The following ATAD3C variants were observed in gnomAD, a reference collection of about 807,000 sequenced individuals.
ATAD3C encodes ATPase family AAA domain-containing protein 3C.
A neutral mutation model predicts 46.3 loss-of-function variants in ATAD3C; 38 were observed. The ratio of observed to expected loss-of-function variants is 0.82; its 90% CI spans 0.63 to 1.08. ATAD3C has a LOEUF of 1.08. ATAD3C is among the 50% of genes least tolerant of loss of function. The pLI is 0.00. For missense variants in ATAD3C, 563 were observed against 572.7 expected (o/e 0.98, Z 0.17); for synonymous variants, 220 against 236.4 (o/e 0.93, Z 0.63).
chr1:1,460,988 G>A lies in ATAD3C; in HGVS notation c.980+71G>A, dbSNP rs1639052579. 1.3e-5 allele frequency: 20 copies of A among 1,491,608 alleles called. 1 individual carries two copies. Among genetic ancestry groups the A allele is most frequent in the Middle Eastern group, 2.2e-4 (1 of 4,624 alleles). 92.4% of individuals were successfully genotyped at this position (1,491,608 alleles called of 1,614,324 possible). A position where few individuals can be genotyped will look rare whatever the true frequency, so the allele number is the denominator to read the frequency against. On this transcript the variant is annotated intron_variant, in intron 10 of 11. Coordinates refer to ENST00000378785, the MANE Select transcript of ATAD3C (RefSeq NM_001039211.3). Reference sequence around the variant, plus strand: ...GGGTCCACCCCTGCTCCTGTTCTCCGGACACACCCAGCAGGCCCTGTCTCC... The same window carrying A: ...GGGTCCACCCCTGCTCCTGTTCTCCAGACACACCCAGCAGGCCCTGTCTCC...
intron 8 of ATAD3C, among the ~76,000 whole-genome samples, chr1:1,457,595 C>CAAAAAAAAAAAAAAAAAAAA (rs777757826): frequency 5.5e-5 from 2 of 36,466 alleles, no homozygotes; most frequent in African/African-American, 2.7e-4. Context: ...GACTTCATCT[C>CAAAAAAAAAAAAAAAAAAAA]AAAAAAAAAA....
chr1:1,450,879 A>G, intron 1 of ATAD3C, 121 bp downstream of exon 1: 1 of 1,462,668 alleles, frequency 6.8e-7, no homozygotes, highest in Non-Finnish European at 9.3e-7. Context: ...AGTGGGGCCC[A>G]GGGCCAAGCT....
chr1:1,457,744 T>C (rs993895614), intron 8 of ATAD3C, among the ~76,000 whole-genome samples: 6 of 151,736 alleles, frequency 4.0e-5, no homozygotes, highest in African/African-American at 1.2e-4. Context: ...AGTGGCGTGA[T>C]CTCGGCTCAC....
At position 1,452,135 on chromosome 1, in the gene ATAD3C, G is replaced by C; in HGVS notation, c.152+13G>C. 6.2e-7 allele frequency: 1 copy of C among 1,612,756 alleles called. No homozygotes were observed. Among genetic ancestry groups the C allele is most frequent in the East Asian group, 2.2e-5 (1 of 44,858 alleles). On this transcript the variant is annotated intron_variant, in intron 2 of 11. Transcript: ENST00000378785. ...TGGAGTCCATCAGGTGAGCGCTGCCGAGGCCCGGGCCGGCCGCAGATGGAG... is the reference window on the plus strand; with the variant it reads ...TGGAGTCCATCAGGTGAGCGCTGCCCAGGCCCGGGCCGGCCGCAGATGGAG...
At chr1:1,461,179 TA>T (rs1404999778) in intron 10 of ATAD3C, among the ~76,000 whole-genome samples, 3 of 148,626 alleles carry the variant, frequency 2.0e-5, no homozygotes, top group African/African-American at 7.7e-5. Context: ...CACTATCACT[TA>T]CAAACCTTTA....
rs562220195 is a variant in ATAD3C at position 1,462,057 on chromosome 1, T to A, written c.981-543T>A. Among the ~76,000 whole-genome samples the A allele has an allele frequency of 6.6e-6, 1 of 152,002 alleles. No individual in the cohort carries two copies. Among genetic ancestry groups the A allele is most frequent in the African/African-American group, 2.4e-5 (1 of 41,492 alleles). On this transcript the variant is annotated intron_variant, in intron 10 of 11. Transcript: ENST00000378785. The surrounding 1 kb of genome is among the most constrained non-coding windows in gnomAD (Gnocchi z 4.5). ...CGTCCCCAGGGCCCCGGTTTCTGAGTCCTTCTGTGCACCTGACCCAAATCC... is the reference window on the plus strand; with the variant it reads ...CGTCCCCAGGGCCCCGGTTTCTGAGACCTTCTGTGCACCTGACCCAAATCC...
chr1:1,461,035 C>A, intron 10 of ATAD3C, 118 bp downstream of exon 10: 1 of 1,315,214 alleles, frequency 7.6e-7, no homozygotes, highest in Non-Finnish European at 1.0e-6. Flanking sequence ...CACCTCCCTG[C>A]CCTGCGGTTT....
intron 1 of ATAD3C, among the ~76,000 whole-genome samples, chr1:1,451,740 T>C (rs1235999825): frequency 6.6e-6 from 1 of 152,038 alleles, no homozygotes; most frequent in Non-Finnish European, 1.5e-5. Context: ...GACAGAAGCT[T>C]CCTTAAGCCC....
At chr1:1,457,595 C>CAAAAAAAA (rs777757826) in intron 8 of ATAD3C, among the ~76,000 whole-genome samples, 40 of 36,426 alleles carry the variant, frequency 1.1e-3, no homozygotes, top group African/African-American at 4.9e-3. Context: ...GACTTCATCT[C>CAAAAAAAA]AAAAAAAAAA....
chr1:1,450,620 G>C lies in ATAD3C; in HGVS notation c.-64G>C, dbSNP rs1245672489. 6.4e-7 allele frequency: 1 copy of C among 1,559,412 alleles called. No individual in the cohort carries two copies. The highest frequency in any genetic ancestry group is 1.9e-5 in the Admixed American group (1 of 52,266). ...CCAGAAAGCCCCTTGGCTGGTGTGC[G>C]TGCCTGCCCAGCGGCATCCGTGTAT... On this transcript the variant is annotated 5_prime_UTR_variant, in exon 1 of 12. Transcript: ENST00000378785.
Position 1,462,803 on chromosome 1 carries a change from G to C in ATAD3C, c.1089+95G>C. On this transcript the variant is annotated intron_variant, in intron 11 of 11. Transcript: ENST00000378785. The surrounding 1 kb of genome is among the most constrained non-coding windows in gnomAD (Gnocchi z 4.5). ...GCCTGTCCCAGCACCGGTGTCACGT[G>C]GGAGCTTCTGTTGAGGGGTTTTCAG... 7.1e-7 allele frequency: 1 copy of C among 1,412,902 alleles called. No individual in the cohort carries two copies. The allele number at this position is 1,412,902 out of a possible 1,614,324, so 87.5% of individuals were successfully genotyped here.
Position 1,462,730 on chromosome 1 carries a change from C to G in ATAD3C, c.1089+22C>G. The G allele has an allele frequency of 6.3e-7, 1 of 1,584,948 alleles. No homozygotes were observed. The highest frequency in any genetic ancestry group is 1.3e-5 in the African/African-American group (1 of 74,626). On this transcript the variant is annotated intron_variant, in intron 11 of 11. Transcript: ENST00000378785. This position sits in a 1 kb window ranked among gnomAD's most constrained non-coding sequence, Gnocchi z 4.5. ...GCAGGTGAGTCAGGCTCGGGTGCAC[C>G]CACCCAGATGGAAGCCCAGCTGCTG...
intron 1 of ATAD3C, 89 bp downstream of exon 1, chr1:1,450,847 C>G: frequency 1.3e-6 from 2 of 1,570,114 alleles, no homozygotes; most frequent in Non-Finnish European, 1.7e-6. Flanking sequence ...TGGGTAGGGC[C>G]GGGGGTGTGT....
chr1:1,454,733 G>C (rs998038877), intron 4 of ATAD3C, among the ~76,000 whole-genome samples: 4 of 151,804 alleles, frequency 2.6e-5, no homozygotes, highest in Admixed American at 6.6e-5. Context: ...TCTTGATGGG[G>C]CCTGGGAGCA....
rs763551729 is a variant in ATAD3C, at chr1:1,455,792, C to G, written c.440C>G (p.Pro147Arg). The G allele has an allele frequency of 6.2e-7, 1 of 1,613,324 alleles. No individual in the cohort carries two copies. Among genetic ancestry groups the G allele is most frequent in the Admixed American group, 1.7e-5 (1 of 59,960 alleles). The change falls in exon 6 of 12, where the codon CCC (proline) becomes CGC (arginine). Residue 147 changes from proline to arginine, a missense_variant and splice_region_variant. Around this residue, in one of 3 missense-constraint regions of ATAD3C, gnomAD observed 263 missense variants for 243.1 expected, o/e 1.08. Transcript: ENST00000378785. ...CCAAGCCCCTGTCTTCCTCGGCAGC[C>G]CAGCCTGGAAGCACGGGTGCGCGAC... ...QDVLEGVVLS[P>R]SLEARVRDIA...
chr1:1,468,177 G>C (rs762488253), intron 11 of ATAD3C, among the ~76,000 whole-genome samples: 2 of 152,126 alleles, frequency 1.3e-5, no homozygotes, highest in Non-Finnish European at 2.9e-5. Flanking sequence ...TGGTGCTGAG[G>C]ACGCAGGCAG....
At chr1:1,451,514 T>G (rs982084624) in intron 1 of ATAD3C, among the ~76,000 whole-genome samples, 1 of 151,770 alleles carries the variant, frequency 6.6e-6, no homozygotes, top group African/African-American at 2.4e-5. Context: ...ACTCGGCTAA[T>G]TTTTGTATTT....
rs1468364245 is a variant in ATAD3C at position 1,454,452 on chromosome 1, G to A, written c.330G>A (p.Arg110=). 3.7e-6 allele frequency: 6 copies of A among 1,609,774 alleles called. No individual in the cohort carries two copies. Among genetic ancestry groups the A allele is most frequent in the Non-Finnish European group, 2.5e-6 (3 of 1,179,242 alleles). ...EARLGKPSLV[R]ETSRITVLEA... ...GGCTGGGGAAGCCGTCCCTAGTGAGGGAGACGTCCCGCATCACGGTGCTTG... is the reference window on the plus strand; with the variant it reads ...GGCTGGGGAAGCCGTCCCTAGTGAGAGAGACGTCCCGCATCACGGTGCTTG... Residue 110 remains arginine (R), a synonymous_variant, in exon 4 of 12, where the codon AGG becomes AGA. Transcript: ENST00000378785.
chr1:1,463,639 G>T (rs1639104349), intron 11 of ATAD3C, among the ~76,000 whole-genome samples: 1 of 151,970 alleles, frequency 6.6e-6, no homozygotes, highest in South Asian at 2.1e-4. Flanking sequence ...CGGGCATGGT[G>T]GTGGCTGATG....
Sources: allele counts gnomAD v4.1 joint callset (sites outside exome capture counted in the v4.1 genomes callset), GRCh38; gene constraint gnomAD v4.1.1; regional missense constraint gnomAD v4.1.1; non-coding constraint Gnocchi (gnomAD v3.1); transcripts MANE v1.5; gene names NCBI Gene and HGNC (gene_info 2026-07-23, HGNC 2026-07-21).